The following IMMP2L variants were observed in gnomAD, a reference collection of about 807,000 sequenced individuals.
IMMP2L encodes the protein mitochondrial inner membrane protease subunit 2.
In IMMP2L, 18 loss-of-function variants were observed where a neutral mutation model predicts 19.3. That is an observed-to-expected ratio of 0.93 (90% CI 0.64 to 1.38). The LOEUF (loss-of-function observed/expected upper bound fraction) is 1.38, where lower values mean the gene tolerates loss of function less well. Among genes scored for constraint, IMMP2L ranks in the 40% most tolerant of loss-of-function variants. The probability of loss-of-function intolerance (pLI) is 0.00; values close to 1 mark genes in which losing one functional copy is unlikely to be tolerated. For synonymous variants in IMMP2L, 76 were observed against 73.0 expected (o/e 1.04, Z -0.21); for missense variants, 233 against 218.2 (o/e 1.07, Z -0.43).
intron 4 of IMMP2L, among the ~76,000 whole-genome samples, chr7:110,903,640 T>G (rs1812143861): frequency 6.6e-6 from 1 of 152,214 alleles, no homozygotes; most frequent in African/African-American, 2.4e-5. Context: ...CAACATTTTC[T>G]TTATCCATTC....
chr7:111,386,627 GAA>G (rs1831783752), intron 3 of IMMP2L, among the ~76,000 whole-genome samples: 1 of 152,050 alleles, frequency 6.6e-6, no homozygotes, highest in South Asian at 2.1e-4. Flanking sequence ...ACAAGGACAT[GAA>G]AACTCATAAA....
intron 3 of IMMP2L, among the ~76,000 whole-genome samples, chr7:111,409,397 C>T (rs1244690109): frequency 1.1e-4 from 17 of 151,688 alleles, no homozygotes; most frequent in Non-Finnish European, 1.5e-5. Flanking sequence ...CCATGAGTAA[C>T]TCTCATAATT....
rs1459547360 is a variant in IMMP2L at position 110,686,689 on chromosome 7, A to AT, written c.409-22969dup. The stretch of plus-strand genomic sequence containing the variant: ...ACCCTCATTTCTAATTAGTTTACAG[A>AT]TTTTTTCTTGCTTGAATCCATCTGC... On this transcript the variant is annotated intron_variant, in intron 5 of 5. Coordinates refer to ENST00000405709, the MANE Select transcript of IMMP2L (RefSeq NM_032549.4). 4.6e-5 allele frequency among the ~76,000 whole-genome samples: 7 copies of AT among 151,902 alleles called. No homozygotes were observed. The East Asian group carries it at 5.9e-4, about 13-fold the overall frequency.
intron 3 of IMMP2L, among the ~76,000 whole-genome samples, chr7:111,139,127 G>A (rs1033568138): frequency 6.6e-6 from 1 of 151,812 alleles, no homozygotes; most frequent in Non-Finnish European, 1.5e-5. Flanking sequence ...CAAAAAAAAG[G>A]AATAAGCCTG....
chr7:110,831,384 C>T (rs1291995335), intron 5 of IMMP2L, among the ~76,000 whole-genome samples: 1 of 152,162 alleles, frequency 6.6e-6, no homozygotes, highest in East Asian at 1.9e-4. Flanking sequence ...AATTATTAAA[C>T]TTAATTCTGT....
chr7:111,511,518 G>T (rs566051935), intron 2 of IMMP2L, among the ~76,000 whole-genome samples: 3 of 151,984 alleles, frequency 2.0e-5, no homozygotes, highest in Admixed American at 2.0e-4. Flanking sequence ...GCATGGTGGT[G>T]CAAGCCTGTA....
Position 110,943,234 on chromosome 7 carries a change from T to A in IMMP2L, c.305+20266A>T, listed in dbSNP as rs1210315238. The stretch of plus-strand genomic sequence containing the variant: ...TAGGCCCTTTTGACAGTCAGCTCCT[T>A]GAAAAGAGAGTTTCTGACTTAGCCT... On this transcript the variant is annotated intron_variant, in intron 4 of 5. Coordinates refer to ENST00000405709, the MANE Select transcript of IMMP2L (RefSeq NM_032549.4). Among the ~76,000 whole-genome samples, 6 of 152,162 alleles carry A rather than the reference T, an allele frequency of 3.9e-5. No homozygotes were observed. In the East Asian group the frequency reaches 1.2e-3, roughly 29 times the overall value.
At chr7:110,907,202 C>A (rs1812555974) in intron 4 of IMMP2L, among the ~76,000 whole-genome samples, 1 of 152,152 alleles carries the variant, frequency 6.6e-6, no homozygotes, top group East Asian at 1.9e-4. Flanking sequence ...TGCGCCCACA[C>A]TTACGGCACC....
chr7:111,197,438 G>A (rs2129614511), intron 3 of IMMP2L, among the ~76,000 whole-genome samples: 1 of 152,140 alleles, frequency 6.6e-6, no homozygotes, highest in Non-Finnish European at 1.5e-5. Context: ...GCTCCAGCCT[G>A]GGCAACAGAG....
intron 5 of IMMP2L, among the ~76,000 whole-genome samples, chr7:110,678,822 T>A (rs1792501332): frequency 6.6e-6 from 1 of 152,150 alleles, no homozygotes; most frequent in South Asian, 2.1e-4. Context: ...TCCTAATCTT[T>A]CATTAATTTC....
intron 5 of IMMP2L, among the ~76,000 whole-genome samples, chr7:110,761,647 C>T (rs1161589980): frequency 1.3e-5 from 2 of 152,116 alleles, no homozygotes; most frequent in Non-Finnish European, 2.9e-5. Context: ...TGTGTAAAGG[C>T]TAACCTCATT....
At chr7:111,211,016 T>C (rs551701994) in intron 3 of IMMP2L, among the ~76,000 whole-genome samples, 1 of 152,254 alleles carries the variant, frequency 6.6e-6, no homozygotes, top group South Asian at 2.1e-4. Context: ...AAAAATAATA[T>C]ATTCAGTCAG....
At chr7:111,163,916 G>A (rs1373930123) in intron 3 of IMMP2L, among the ~76,000 whole-genome samples, 1 of 152,020 alleles carries the variant, frequency 6.6e-6, no homozygotes, top group Non-Finnish European at 1.5e-5. Context: ...AATAGATGGG[G>A]AGGAGACCAA....
At chr7:111,182,564 T>C (rs1807823222) in intron 3 of IMMP2L, among the ~76,000 whole-genome samples, 1 of 151,614 alleles carries the variant, frequency 6.6e-6, no homozygotes, top group Non-Finnish European at 1.5e-5. Context: ...GACAATAAGA[T>C]TGAAAAATGA....
chr7:111,107,249 G>A (rs908386869), intron 3 of IMMP2L, among the ~76,000 whole-genome samples: 1 of 151,658 alleles, frequency 6.6e-6, no homozygotes, highest in African/African-American at 2.4e-5. Flanking sequence ...GACAGACTTT[G>A]AAGAAAAGTT....
At chr7:110,814,719 G>GTA (rs1562993545) in intron 5 of IMMP2L, among the ~76,000 whole-genome samples, 3 of 139,696 alleles carry the variant, frequency 2.1e-5, no homozygotes, top group Non-Finnish European at 4.6e-5. Context: ...ATATATATAT[G>GTA]TATATATATA....
intron 3 of IMMP2L, among the ~76,000 whole-genome samples, chr7:111,333,741 C>A (rs1826108272): frequency 6.6e-6 from 1 of 152,106 alleles, no homozygotes; most frequent in South Asian, 2.1e-4. Flanking sequence ...GGCATAGTCT[C>A]CCAGCCTACA....
chr7:110,971,690 T>G (rs1019270361), intron 3 of IMMP2L, among the ~76,000 whole-genome samples: 1 of 152,152 alleles, frequency 6.6e-6, no homozygotes, highest in Admixed American at 6.6e-5. Context: ...TTGCTTGCAA[T>G]AGGACACTTA....
Position 111,325,618 on chromosome 7 carries a change from C to G in IMMP2L, c.239+161620G>C, listed in dbSNP as rs911621831. Reference sequence around the variant, plus strand: ...AGTATAAATCCTTCTGTAATCGAGCCCTTCATGTAATTATTTGTGTCTCTG... The same window carrying G: ...AGTATAAATCCTTCTGTAATCGAGCGCTTCATGTAATTATTTGTGTCTCTG... On this transcript the variant is annotated intron_variant, in intron 3 of 5. Coordinates refer to ENST00000405709, the MANE Select transcript of IMMP2L (RefSeq NM_032549.4). Among the ~76,000 whole-genome samples the G allele has an allele frequency of 2.0e-5, 3 of 151,074 alleles. 1 individual carries two copies. Among genetic ancestry groups the G allele is most frequent in the African/African-American group, 7.3e-5 (3 of 41,166 alleles).
Sources: allele counts gnomAD v4.1 joint callset (sites outside exome capture counted in the v4.1 genomes callset), GRCh38; gene constraint gnomAD v4.1.1; transcripts MANE v1.5; gene names NCBI Gene and HGNC (gene_info 2026-07-23, HGNC 2026-07-21).